EPHB2: variants seen among roughly 807,000 people sequenced by gnomAD.
EPHB2 encodes the protein EPH receptor B2.
EPHB2 carries 18 observed loss-of-function variants against 96.4 expected under a neutral mutation model. That is an observed-to-expected ratio of 0.19 (90% confidence interval 0.13 to 0.28). The LOEUF is 0.28. Among genes scored for constraint, EPHB2 ranks in the 10% least tolerant of loss-of-function variants. The pLI is 1.00. For missense variants in EPHB2, 989 were observed against 1,355.4 expected (o/e 0.73, Z 4.25); for synonymous variants, 506 against 534.1 (o/e 0.95, Z 0.72).
chr1:22,723,852 C>T (rs1643523983), intron 1 of EPHB2, among the ~76,000 whole-genome samples: 1 of 152,222 alleles, frequency 6.6e-6, no homozygotes, highest in South Asian at 2.1e-4. Flanking sequence ...ATCTCAGCCA[C>T]TCAAAGGCAA....
At chr1:22,773,248 A>G (rs1262850970) in intron 1 of EPHB2, among the ~76,000 whole-genome samples, 1 of 152,226 alleles carries the variant, frequency 6.6e-6, no homozygotes, top group Admixed American at 6.5e-5. Flanking sequence ...CAAGCTTGTC[A>G]GTGTCCTTGT....
intron 9 of EPHB2, among the ~76,000 whole-genome samples, chr1:22,903,709 CA>C (rs774696491): frequency 1.8e-4 from 27 of 152,312 alleles, no homozygotes; most frequent in Admixed American, 4.6e-4. Flanking sequence ...GTGTTGGGCA[CA>C]AAGGGCTCAG....
intron 1 of EPHB2, among the ~76,000 whole-genome samples, chr1:22,720,660 T>TCCCAA (rs1643432995): frequency 1.7e-5 from 1 of 57,380 alleles, no homozygotes; most frequent in Non-Finnish European, 3.4e-5. Context: ...GAAATCTCAT[T>TCCCAA]CCCCCCCCCC....
At chr1:22,770,567 G>T (rs1401444825) in intron 1 of EPHB2, among the ~76,000 whole-genome samples, 1 of 152,168 alleles carries the variant, frequency 6.6e-6, no homozygotes, top group Non-Finnish European at 1.5e-5. Context: ...GGGATTTGAG[G>T]TGACTTATAA....
chr1:22,863,192 A>G lies in EPHB2; in HGVS notation c.967A>G (p.Thr323Ala), dbSNP rs1557720230. The G allele has an allele frequency of 6.2e-7, 1 of 1,614,182 alleles. No homozygotes were observed. The change falls in exon 4 of 16, where the codon ACC (threonine) becomes GCC (alanine). Residue 323 changes from threonine (T) to alanine (A), a missense_variant and splice_region_variant. Coordinates refer to ENST00000374630, the MANE Select transcript of EPHB2 (RefSeq NM_017449.5). The stretch of plus-strand genomic sequence containing the variant: ...GGACCCCCTGGACATGCCCTGCACA[A>G]GTAAGTCCTAGGGCCCCTCAAGGGC... ...DLDPLDMPCT[T>A]IPSAPQAVIS...
rs1459640737 is a variant in EPHB2 at position 22,875,109 on chromosome 1, A to G, written c.1304-7250A>G. 2.8e-4 allele frequency among the ~76,000 whole-genome samples: 43 copies of G among 152,142 alleles called. No individual in the cohort carries two copies. Among genetic ancestry groups the G allele is most frequent in the Non-Finnish European group, 7.4e-5 (5 of 68,014 alleles). On this transcript the variant is annotated intron_variant, in intron 5 of 15. Transcript: ENST00000374630. The surrounding 1 kb of genome is among the most constrained non-coding windows in gnomAD (Gnocchi z 4.2). ...GTCAGCTTTTCCTTTTTTCTGTCCC[A>G]TACCACTCTCTAAGAGGCCCATCAG...
At chr1:22,828,771 A>G (rs146399041) in intron 3 of EPHB2, among the ~76,000 whole-genome samples, 29 of 152,362 alleles carry the variant, frequency 1.9e-4, no homozygotes, top group African/African-American at 6.7e-4. Context: ...TTGAAGCACT[A>G]AGACGACTAG....
chr1:22,714,306 A>G (rs571896364), intron 1 of EPHB2, among the ~76,000 whole-genome samples: 1 of 152,172 alleles, frequency 6.6e-6, no homozygotes, highest in Non-Finnish European at 1.5e-5. Context: ...TCATTTTCTC[A>G]CCACCCATTT....
rs781457963 is a variant in EPHB2 at position 22,912,580 on chromosome 1, G to C, written c.2833G>C (p.Val945Leu). The change falls in exon 15 of 16, where the codon GTG becomes CTG. Residue 945 changes from valine (V) to leucine (L), a missense_variant. Physicochemically the swap from Val to Leu is conservative, Grantham distance 32 (BLOSUM62 1). Transcript: ENST00000374630. ...TGCCGGCTTCACCTCCTTTGACGTCGTGTCTCAGATGATGATGGAGTAAGT... is the reference window on the plus strand; with the variant it reads ...TGCCGGCTTCACCTCCTTTGACGTCCTGTCTCAGATGATGATGGAGTAAGT... ...ANAGFTSFDV[V>L]SQMMMEDILR... is the part of the protein sequence containing the mutation. 2.5e-5 allele frequency: 41 copies of C among 1,613,806 alleles called. No individual in the cohort carries two copies. The South Asian group carries it at 4.2e-4, about 16-fold the overall frequency.
At chr1:22,795,063 C>T (rs1355230934) in intron 3 of EPHB2, among the ~76,000 whole-genome samples, 1 of 152,228 alleles carries the variant, frequency 6.6e-6, no homozygotes, top group Non-Finnish European at 1.5e-5. Flanking sequence ...CTGGCCCACT[C>T]TGGCCTCACC....
chr1:22,890,378 G>A (rs968566336), intron 6 of EPHB2, among the ~76,000 whole-genome samples: 15 of 152,142 alleles, frequency 9.9e-5, no homozygotes, highest in Admixed American at 9.2e-4. Context: ...CCTCTCTGCT[G>A]CTGCCCCACC....
chr1:22,889,494 A>T (rs569061514), intron 6 of EPHB2, among the ~76,000 whole-genome samples: 2 of 152,364 alleles, frequency 1.3e-5, no homozygotes, highest in South Asian at 4.1e-4. Context: ...GTCAATAATT[A>T]GTGAACACTT....
chr1:22,843,337 C>CA (rs1645495626), intron 3 of EPHB2, among the ~76,000 whole-genome samples: 7 of 152,068 alleles, frequency 4.6e-5, no homozygotes, highest in Admixed American at 4.6e-4. Context: ...GCTCTTGCCA[C>CA]TGTGTTTTTT....
chr1:22,896,545 A>C (rs1639570663), intron 9 of EPHB2, 67 bp downstream of exon 9: 2 of 1,601,366 alleles, frequency 1.2e-6, no homozygotes, highest in Non-Finnish European at 1.7e-6. Flanking sequence ...GTGACCTCTT[A>C]AGCCATCTTT....
chr1:22,822,894 A>C (rs981408020), intron 3 of EPHB2, among the ~76,000 whole-genome samples: 2 of 152,242 alleles, frequency 1.3e-5, no homozygotes, highest in Admixed American at 6.5e-5. Context: ...GCTAAGGTTC[A>C]TGCCTGGAAT....
intron 3 of EPHB2, among the ~76,000 whole-genome samples, chr1:22,798,546 G>A (rs905645482): frequency 1.3e-5 from 2 of 151,892 alleles, no homozygotes; most frequent in African/African-American, 4.8e-5. Context: ...AATCTCTGCA[G>A]TGTGGTCCTA....
intron 3 of EPHB2, among the ~76,000 whole-genome samples, chr1:22,837,995 C>T (rs1645409451): frequency 6.6e-6 from 1 of 152,180 alleles, no homozygotes; most frequent in Admixed American, 6.5e-5. Context: ...CCTATTTCAT[C>T]CCTTTATGTC....
intron 1 of EPHB2, among the ~76,000 whole-genome samples, chr1:22,756,071 C>T (rs60696037): frequency 0.14 from 21,114 of 151,744 alleles, 1,686 homozygotes; most frequent in East Asian, 0.28. Flanking sequence ...GAGGTGGAAA[C>T]GCAGGGAGAG....
chr1:22,838,381 A>G (rs1480732183), intron 3 of EPHB2, among the ~76,000 whole-genome samples: 1 of 152,268 alleles, frequency 6.6e-6, no homozygotes, highest in African/African-American at 2.4e-5. Context: ...GGCATAGGCC[A>G]GGAGTCAGAA....
Sources: allele counts gnomAD v4.1 joint callset (sites outside exome capture counted in the v4.1 genomes callset), GRCh38; gene constraint gnomAD v4.1.1; non-coding constraint Gnocchi (gnomAD v3.1); transcripts MANE v1.5; gene names NCBI Gene and HGNC (gene_info 2026-07-23, HGNC 2026-07-21).